The following TP63 variants were observed in gnomAD, a reference collection of about 807,000 sequenced individuals.
The protein encoded by TP63 is tumor protein p63.
Under a neutral mutation model 82.8 loss-of-function variants are expected in TP63, and 17 were observed. That is an observed-to-expected ratio of 0.21 (90% CI 0.14 to 0.31). The LOEUF is 0.31. TP63 is among the 10% of genes least tolerant of loss of function. TP63 has a pLI of 1.00. For missense variants in TP63, 648 were observed against 895.3 expected, an observed-to-expected ratio of 0.72 and a Z score of 3.52; for synonymous variants, 330 against 321.7, an observed-to-expected ratio of 1.03 and a Z score of -0.28.
In TP63 at chr3:189,667,611, T is replaced by A. The variant is rs1341708471; in HGVS notation, c.62+36034T>A. Among the ~76,000 whole-genome samples, 3 of 152,006 alleles carry A rather than the reference T, an allele frequency of 2.0e-5. No homozygotes were observed. The East Asian group carries it at 5.8e-4, about 29-fold the overall frequency. Reference sequence around the variant, plus strand: ...AATCTTTACAAGCTCAGGAAGAGACTATGGGAGGCTGCAAAGCAAATAAGT... The same window carrying A: ...AATCTTTACAAGCTCAGGAAGAGACAATGGGAGGCTGCAAAGCAAATAAGT... On this transcript the variant is annotated intron_variant, in intron 1 of 13. Transcript: ENST00000264731.
chr3:189,847,335 G>A (rs1715019191), intron 4 of TP63, among the ~76,000 whole-genome samples: 2 of 152,196 alleles, frequency 1.3e-5, no homozygotes, highest in South Asian at 4.1e-4. Flanking sequence ...TCCAGCCTGG[G>A]TGACAGAGCG....
chr3:189,725,663 G>C (rs1473049684), intron 1 of TP63, among the ~76,000 whole-genome samples: 1 of 152,104 alleles, frequency 6.6e-6, no homozygotes, highest in East Asian at 1.9e-4. Context: ...AGGAAATCCT[G>C]CTTCGGAATG....
At chr3:189,810,456 CT>C (rs979409021) in intron 4 of TP63, among the ~76,000 whole-genome samples, 36 of 152,118 alleles carry the variant, frequency 2.4e-4, no homozygotes, top group Non-Finnish European at 2.6e-4. Flanking sequence ...TGAATAATCG[CT>C]TTTTTTCCCT....
chr3:189,777,014 G>A (rs1723853448), intron 3 of TP63, among the ~76,000 whole-genome samples: 1 of 152,102 alleles, frequency 6.6e-6, no homozygotes, highest in South Asian at 2.1e-4. Context: ...CTTCAGGGAA[G>A]TTAAATCATA....
the TP63 span, among the ~76,000 whole-genome samples, chr3:189,596,943 C>A: frequency 1.3e-5 from 2 of 152,000 alleles, no homozygotes; most frequent in African/African-American, 4.8e-5. Context: ...CCAGACGCAC[C>A]GCCTTAAGAA....
chr3:189,821,760 C>T (rs1463849125), intron 4 of TP63, among the ~76,000 whole-genome samples: 1 of 152,170 alleles, frequency 6.6e-6, no homozygotes, highest in African/African-American at 2.4e-5. Flanking sequence ...AAATGCAATA[C>T]TTTGAATTAT....
intron 12 of TP63, among the ~76,000 whole-genome samples, chr3:189,890,350 C>T (rs1293261114): frequency 6.6e-6 from 1 of 152,094 alleles, no homozygotes; most frequent in Non-Finnish European, 1.5e-5. Context: ...GGAGTAGAGG[C>T]CTACAATTTT....
At chr3:189,682,553 A>ATATATGTGT (rs1322646970) in intron 1 of TP63, among the ~76,000 whole-genome samples, 1 of 10,374 alleles carries the variant, frequency 9.6e-5, no homozygotes, top group Non-Finnish European at 2.4e-4. Context: ...AAAAAAAAAA[A>ATATATGTGT]ATATATATAT....
chr3:189,893,384 T>C (rs997473462), intron 13 of TP63, among the ~76,000 whole-genome samples: 10 of 152,302 alleles, frequency 6.6e-5, no homozygotes, highest in African/African-American at 2.4e-4. Flanking sequence ...CCAAGCACAA[T>C]GTGCTGTTTA....
Position 189,750,328 on chromosome 3 carries a change from G to GA in TP63, c.324+11557dup, listed in dbSNP as rs528034977. On this transcript the variant is annotated intron_variant, in intron 3 of 13. Coordinates refer to ENST00000264731, the MANE Select transcript of TP63 (RefSeq NM_003722.5). ...AGAGGCTGGGTAGGATGTGTTGTTG[G>GA]AAAGGGGTGATGAAAAGAGGTTGGT... Among the ~76,000 whole-genome samples, 197 of 152,202 alleles carry GA rather than the reference G, an allele frequency of 1.3e-3. 1 individual carries two copies. The highest frequency in any genetic ancestry group is 2.9e-3 in the Admixed American group (45 of 15,290).
intron 1 of TP63, among the ~76,000 whole-genome samples, chr3:189,646,598 T>A (rs1039417577): frequency 6.8e-6 from 1 of 146,910 alleles, no homozygotes; most frequent in African/African-American, 2.6e-5. Context: ...CTTCTACTTT[T>A]GGTCCCACCC....
At chr3:189,876,140 A>G (rs1029306868) in intron 10 of TP63, among the ~76,000 whole-genome samples, 3 of 152,180 alleles carry the variant, frequency 2.0e-5, no homozygotes, top group Admixed American at 2.0e-4. Context: ...AGTTAATAGG[A>G]CAATTTTAAA....
chr3:189,597,401 A>T, the TP63 span, among the ~76,000 whole-genome samples: 1 of 133,522 alleles, frequency 7.5e-6, no homozygotes, highest in Non-Finnish European at 1.7e-5. Context: ...TGACAGGTTT[A>T]AAGAGATATG....
At chr3:189,861,826 C>A (rs1017978544) in intron 4 of TP63, among the ~76,000 whole-genome samples, 1 of 152,150 alleles carries the variant, frequency 6.6e-6, no homozygotes, top group African/African-American at 2.4e-5. Flanking sequence ...ACTGTTATTA[C>A]AGGACTAGGA....
At chr3:189,670,839 G>A (rs1310217821) in intron 1 of TP63, among the ~76,000 whole-genome samples, 3 of 151,958 alleles carry the variant, frequency 2.0e-5, no homozygotes, top group Non-Finnish European at 4.4e-5. Flanking sequence ...TACTGGGAAA[G>A]CCATCAAACT....
At chr3:189,779,525 C>T (rs756647873) in intron 3 of TP63, among the ~76,000 whole-genome samples, 2 of 152,118 alleles carry the variant, frequency 1.3e-5, no homozygotes, top group Non-Finnish European at 2.9e-5. Context: ...CACAGGACCT[C>T]TCAATTTCCC....
Position 189,789,913 on chromosome 3 carries a change from G to A in TP63, c.325-18359G>A, listed in dbSNP as rs1053238055. ...TTTTTATTTTTGTAAAAAAACTTACGTATTTGCGGTTCTCGGTCACCCAAT... is the reference window on the plus strand; with the variant it reads ...TTTTTATTTTTGTAAAAAAACTTACATATTTGCGGTTCTCGGTCACCCAAT... On this transcript the variant is annotated intron_variant, in intron 3 of 13. Coordinates refer to ENST00000264731, the MANE Select transcript of TP63 (RefSeq NM_003722.5). 86 of 1,411,454 alleles carry A rather than the reference G, an allele frequency of 6.1e-5. 3 individuals carry two copies. Among genetic ancestry groups the A allele is most frequent in the East Asian group, 1.1e-4 (4 of 36,666 alleles). The allele number at this position is 1,411,454 out of a possible 1,614,324, so 87.4% of individuals were successfully genotyped here.
intron 10 of TP63, chr3:189,880,344 A>C: frequency 7.8e-7 from 1 of 1,275,500 alleles, no homozygotes; most frequent in Non-Finnish European, 9.9e-7. Context: ...CTAGTGAGAG[A>C]ATCTTTTGAA....
intron 4 of TP63, among the ~76,000 whole-genome samples, chr3:189,829,091 A>G (rs1441954456): frequency 2.0e-5 from 3 of 152,216 alleles, no homozygotes; most frequent in Middle Eastern, 3.2e-3. Flanking sequence ...GATGATATTT[A>G]CTGATAATAA....
Sources: allele counts gnomAD v4.1 joint callset (sites outside exome capture counted in the v4.1 genomes callset), GRCh38; gene constraint gnomAD v4.1.1; transcripts MANE v1.5; gene names NCBI Gene and HGNC (gene_info 2026-07-23, HGNC 2026-07-21).